The following NPTN variants were observed in gnomAD, a reference collection of about 807,000 sequenced individuals.
NPTN encodes SDR-1.
Under a neutral mutation model 42.7 loss-of-function variants are expected in NPTN, and 5 were observed. That is an observed-to-expected ratio of 0.12 (90% confidence interval 0.06 to 0.25). NPTN has a LOEUF of 0.25. NPTN is among the 10% of genes least tolerant of loss of function. The pLI, the probability that NPTN is intolerant of heterozygous loss-of-function variation, is 1.00. For missense variants in NPTN, 307 were observed against 525.4 expected (o/e 0.58, Z 4.06); for synonymous variants, 180 against 201.9 (o/e 0.89, Z 0.92).
Position 73,570,063 on chromosome 15 carries a change from A to C in NPTN, c.1114+87T>G. ...TCTTTCCTTTAGGGATTGAATCCCA[A>C]CATCCCTATAGTCCTCTTTGGGTAC... On this transcript the variant is annotated intron_variant, in intron 6 of 8. Transcript: ENST00000345330. This position sits in a 1 kb window ranked among gnomAD's most constrained non-coding sequence, Gnocchi z 4.0. 5.4e-6 allele frequency: 7 copies of C among 1,290,330 alleles called. No individual in the cohort carries two copies. The highest frequency in any genetic ancestry group is 7.2e-6 in the Non-Finnish European group (7 of 968,140). The allele number at this position is 1,290,330 out of a possible 1,614,324, so 79.9% of individuals were successfully genotyped here.
chr15:73,620,560 C>A (rs1898083993), intron 1 of NPTN, among the ~76,000 whole-genome samples: 1 of 152,146 alleles, frequency 6.6e-6, no homozygotes, highest in Admixed American at 6.5e-5. Flanking sequence ...AAAGAATTGT[C>A]CCGCTTCCTA....
rs1441882056 is a variant in NPTN, at chr15:73,569,139, C to G, written c.1114+1011G>C. The G allele has an allele frequency of 8.1e-6, 8 of 985,434 alleles. No individual in the cohort carries two copies. Among genetic ancestry groups the G allele is most frequent in the African/African-American group, 1.7e-5 (1 of 57,250 alleles). 61.0% of individuals were successfully genotyped at this position (985,434 alleles called of 1,614,324 possible). A position where few individuals can be genotyped will look rare whatever the true frequency, so the allele number is the denominator to read the frequency against. ...CCACTGAGCCCAGGGGCACACCCATCTGTCTAGTCTAGCCAGGGACAGACT... is the reference window on the plus strand; with the variant it reads ...CCACTGAGCCCAGGGGCACACCCATGTGTCTAGTCTAGCCAGGGACAGACT... On this transcript the variant is annotated intron_variant, in intron 6 of 8. Coordinates refer to ENST00000345330, the MANE Select transcript of NPTN (RefSeq NM_012428.4). The surrounding 1 kb of genome is among the most constrained non-coding windows in gnomAD (Gnocchi z 4.1).
chr15:73,605,106 G>GC (rs555185715), intron 1 of NPTN, among the ~76,000 whole-genome samples: 1 of 145,768 alleles, frequency 6.9e-6, no homozygotes, highest in African/African-American at 2.7e-5. Flanking sequence ...TCAAGGGGGG[G>GC]GGGGGAAAAG....
In NPTN at chr15:73,586,694, C is replaced by G. The variant is rs1194988961; in HGVS notation, c.706+830G>C. On this transcript the variant is annotated intron_variant, in intron 4 of 8. Transcript: ENST00000345330. ...GGGATAACTCTATGGATTTAAAGAA[C>G]AAGTCTGTGTCCTTACTAAGCAAAA... Among the ~76,000 whole-genome samples the G allele has an allele frequency of 2.0e-5, 3 of 152,132 alleles. No homozygotes were observed. The East Asian group carries it at 5.8e-4, about 29-fold the overall frequency.
At chr15:73,630,864 T>A (rs942184680) in intron 1 of NPTN, among the ~76,000 whole-genome samples, 12 of 152,216 alleles carry the variant, frequency 7.9e-5, no homozygotes, top group African/African-American at 2.9e-4. Flanking sequence ...TAATAAGACA[T>A]GTTATATAGA....
At chr15:73,567,222 G>A in intron 6 of NPTN, 1 of 985,058 alleles carries the variant, frequency 1.0e-6, no homozygotes, top group Non-Finnish European at 1.2e-6. Context: ...TATGACGACT[G>A]TGCATTCATA....
intron 1 of NPTN, among the ~76,000 whole-genome samples, chr15:73,623,279 T>C (rs1228397331): frequency 6.6e-6 from 1 of 152,228 alleles, no homozygotes; most frequent in Non-Finnish European, 1.5e-5. Context: ...TGTTCTAATA[T>C]CACAGGCAAG....
At chr15:73,578,194 C>A (rs1319077970) in intron 4 of NPTN, among the ~76,000 whole-genome samples, 1 of 152,092 alleles carries the variant, frequency 6.6e-6, no homozygotes, top group Non-Finnish European at 1.5e-5. Flanking sequence ...ATGACTTTGG[C>A]AGTTACAGTG....
chr15:73,567,395 A>C, intron 6 of NPTN: 1 of 985,452 alleles, frequency 1.0e-6, no homozygotes, highest in Non-Finnish European at 1.2e-6. Flanking sequence ...TGATAGGTAA[A>C]CACTTATGAC....
intron 3 of NPTN, 195 bp downstream of exon 3, chr15:73,591,771 C>A (rs769124418): frequency 2.5e-5 from 12 of 483,546 alleles, no homozygotes; most frequent in Non-Finnish European, 4.4e-5. Flanking sequence ...ATTCTCCAAT[C>A]TGGCTGCTCA....
At chr15:73,590,833 A>G (rs890632509) in intron 3 of NPTN, among the ~76,000 whole-genome samples, 1 of 152,184 alleles carries the variant, frequency 6.6e-6, no homozygotes, top group African/African-American at 2.4e-5. Context: ...AATGCTTTTC[A>G]TTCCACCTAA....
chr15:73,595,444 T>C (rs1295792602), intron 2 of NPTN, among the ~76,000 whole-genome samples: 2 of 152,212 alleles, frequency 1.3e-5, no homozygotes, highest in Non-Finnish European at 2.9e-5. Flanking sequence ...CAGTGCCAAC[T>C]GCAGCAGCCT....
At chr15:73,619,048 G>A (rs1387174989) in intron 1 of NPTN, among the ~76,000 whole-genome samples, 1 of 136,054 alleles carries the variant, frequency 7.4e-6, no homozygotes, top group African/African-American at 2.9e-5. Context: ...AAACACAGCA[G>A]CAAGACCCTG....
At chr15:73,596,911 AG>A (rs1896860235) in intron 2 of NPTN, 110 bp downstream of exon 2, 1 of 880,738 alleles carries the variant, frequency 1.1e-6, no homozygotes, top group South Asian at 1.8e-5. Flanking sequence ...AACGAAGACA[AG>A]GGGTGGGGTG....
intron 1 of NPTN, among the ~76,000 whole-genome samples, chr15:73,631,896 TC>T (rs1169526674): frequency 6.6e-6 from 1 of 152,134 alleles, no homozygotes; most frequent in Non-Finnish European, 1.5e-5. Context: ...TGCCCATGAT[TC>T]CCCACCACTT....
chr15:73,567,871 C>G, intron 6 of NPTN: 1 of 985,436 alleles, frequency 1.0e-6, no homozygotes, highest in Non-Finnish European at 1.2e-6. Flanking sequence ...AATGCAACAA[C>G]AACGAAGTAA....
intron 1 of NPTN, among the ~76,000 whole-genome samples, chr15:73,606,737 C>T (rs1001245133): frequency 6.6e-6 from 1 of 152,146 alleles, no homozygotes; most frequent in African/African-American, 2.4e-5. Flanking sequence ...TCAACTGACT[C>T]TCCAGTTAGC....
chr15:73,617,819 G>A (rs907976125), intron 1 of NPTN, among the ~76,000 whole-genome samples: 1 of 152,122 alleles, frequency 6.6e-6, no homozygotes, highest in African/African-American at 2.4e-5. Context: ...GATAACTTCT[G>A]AGCAATTTTC....
chr15:73,617,935 TG>T (rs1897939784), intron 1 of NPTN, among the ~76,000 whole-genome samples: 1 of 152,210 alleles, frequency 6.6e-6, no homozygotes, highest in African/African-American at 2.4e-5. Flanking sequence ...ATCCTCCAGC[TG>T]TAAAGTCTGA....
Sources: gnomAD v4.1 joint callset for allele counts (sites outside exome capture counted in the v4.1 genomes callset) on GRCh38, gnomAD v4.1.1 for gene constraint, Gnocchi (gnomAD v3.1) non-coding constraint, MANE v1.5 for transcripts, NCBI Gene and HGNC (gene_info 2026-07-23, HGNC 2026-07-21) for gene names.